The following ULBP3 variants were observed in gnomAD, a reference collection of about 807,000 sequenced individuals.
The protein encoded by ULBP3 is UL16 binding protein 3.
In ULBP3, 25 loss-of-function variants were observed where a neutral mutation model predicts 24.9. The ratio of observed to expected loss-of-function variants is 1.00; its 90% CI spans 0.73 to 1.40. The LOEUF (loss-of-function observed/expected upper bound fraction) is 1.40, where lower values mean the gene tolerates loss of function less well. ULBP3 is among the 40% of genes most tolerant of loss of function. The pLI, the probability that ULBP3 is intolerant of heterozygous loss-of-function variation, is 0.00. For missense variants in ULBP3, 306 were observed against 307.5 expected (o/e 1.00, Z 0.04); for synonymous variants, 114 against 114.7 (o/e 0.99, Z 0.04).
At position 150,064,577 on chromosome 6, in the gene ULBP3, C is replaced by T. The variant is rs750684616; in HGVS notation, c.*22+8G>A. The T allele has an allele frequency of 2.5e-6, 4 of 1,611,962 alleles. No individual in the cohort carries two copies. In the South Asian group the frequency reaches 4.4e-5, roughly 18 times the overall value. On this transcript the variant is annotated splice_region_variant and intron_variant, in intron 4 of 4. Coordinates refer to ENST00000367339, the MANE Select transcript of ULBP3 (RefSeq NM_024518.3). ...CTCTCGTTCCCCTCACAGTTTTGCC[C>T]ACAGTACCTGTCACTCTAAATGACT...
intron 1 of ULBP3, among the ~76,000 whole-genome samples, chr6:150,067,664 A>G (rs908711708): frequency 6.6e-6 from 1 of 152,042 alleles, no homozygotes; most frequent in African/African-American, 2.4e-5. Flanking sequence ...TCACTACTCA[A>G]CTCTGCTCTT....
In ULBP3 at chr6:150,066,075, T is replaced by C. The variant is rs199897950; in HGVS notation, c.176A>G (p.Gln59Arg). 2 of 1,614,128 alleles carry C rather than the reference T, an allele frequency of 1.2e-6. No individual in the cohort carries two copies. Among genetic ancestry groups the C allele is most frequent in the Non-Finnish European group, 1.7e-6 (2 of 1,180,058 alleles). ...QWCEVQSQVD[Q>R]KNFLSYDCGS... ...ACAGTCATAGGAGAGAAAATTCTTC[T>C]GATCCACCTGGCTCTGGACCTCACA... Residue 59 changes from glutamine to arginine, a missense_variant, in exon 2 of 5, where the codon CAG becomes CGG. Transcript: ENST00000367339.
rs1194014263 is a variant in ULBP3, at chr6:150,063,120, AAAAC to A, written c.*250_*253del. ...CGAGACTCCGTCTCAAAAAAAAAAA[AAAAC>A]AAAAAAAAAAAAAGAAAAATGGCTG... On this transcript the variant is annotated 3_prime_UTR_variant, in exon 5 of 5. Coordinates refer to ENST00000367339, the MANE Select transcript of ULBP3 (RefSeq NM_024518.3). 399 of 105,506 alleles carry A rather than the reference AAAAC, an allele frequency of 3.8e-3. 32 individuals carry two copies. Among genetic ancestry groups the A allele is most frequent in the East Asian group, 0.012 (43 of 3,694 alleles). The allele number at this position is 105,506 out of a possible 1,614,324, so 6.5% of individuals were successfully genotyped here. A position where few individuals can be genotyped will look rare whatever the true frequency, so the allele number is the denominator to read the frequency against.
chr6:150,068,134 A>T (rs1582867180), intron 1 of ULBP3, among the ~76,000 whole-genome samples: 1 of 152,134 alleles, frequency 6.6e-6, no homozygotes, highest in Non-Finnish European at 1.5e-5. Context: ...AGGACACCAC[A>T]TGGCTACACC....
In ULBP3 at chr6:150,064,800, C is replaced by G; in HGVS notation, c.629-87G>C. On this transcript the variant is annotated intron_variant, in intron 3 of 4. Transcript: ENST00000367339. ...CTTAGCTCCTGCTACCCCAGGTCAT[C>G]CGGGAAGGCAGAGGATTTGTCTCCC... 7.1e-6 allele frequency: 10 copies of G among 1,411,350 alleles called. 1 individual carries two copies. The South Asian group carries it at 1.3e-4, about 18-fold the overall frequency. The allele number at this position is 1,411,350 out of a possible 1,614,324, so 87.4% of individuals were successfully genotyped here. A position where few individuals can be genotyped will look rare whatever the true frequency, so the allele number is the denominator to read the frequency against.
At chr6:150,066,672 G>A (rs567900588) in intron 1 of ULBP3, among the ~76,000 whole-genome samples, 26 of 152,300 alleles carry the variant, frequency 1.7e-4, no homozygotes, top group African/African-American at 5.1e-4. Flanking sequence ...CAGGTCTTAC[G>A]TGGCAGGTTG....
chr6:150,064,799 T>C, intron 3 of ULBP3, 86 bp from the exon 4 acceptor site: 3 of 1,415,768 alleles, frequency 2.1e-6, no homozygotes, highest in Non-Finnish European at 2.9e-6. Flanking sequence ...CCCCAGGTCA[T>C]CCGGGAAGGC....
chr6:150,066,714 C>A (rs1306831296), intron 1 of ULBP3, among the ~76,000 whole-genome samples: 1 of 152,096 alleles, frequency 6.6e-6, no homozygotes, highest in Non-Finnish European at 1.5e-5. Context: ...AAGAGAAGTG[C>A]CCATGCCAGA....
Position 150,066,080 on chromosome 6 carries a change from C to A in ULBP3, c.171G>T (p.Val57=), listed in dbSNP as rs1776342406. The change falls in exon 2 of 5, where the codon GTG becomes GTT. Residue 57 remains valine, a synonymous_variant. Coordinates refer to ENST00000367339, the MANE Select transcript of ULBP3 (RefSeq NM_024518.3). ...GQQWCEVQSQ[V]DQKNFLSYDC... ...CATAGGAGAGAAAATTCTTCTGATC[C>A]ACCTGGCTCTGGACCTCACACCACT... The A allele has an allele frequency of 6.2e-7, 1 of 1,614,088 alleles. No individual in the cohort carries two copies. Among genetic ancestry groups the A allele is most frequent in the Non-Finnish European group, 8.5e-7 (1 of 1,180,058 alleles).
rs150836130 is a variant in ULBP3 at position 150,066,866 on chromosome 6, G to A, written c.89-704C>T. Reference sequence around the variant, plus strand: ...AAGAAGCTCAGGGATGCCTGTTGCTGAAGCCCAGGGTCAGGGGTAGGAGAT... The same window carrying A: ...AAGAAGCTCAGGGATGCCTGTTGCTAAAGCCCAGGGTCAGGGGTAGGAGAT... On this transcript the variant is annotated intron_variant, in intron 1 of 4. Transcript: ENST00000367339. Among the ~76,000 whole-genome samples the A allele has an allele frequency of 5.3e-3, 809 of 152,292 alleles. 3 individuals are homozygous for A. Among genetic ancestry groups the A allele is most frequent in the Non-Finnish European group, 8.2e-3 (559 of 68,024 alleles).
intron 3 of ULBP3, among the ~76,000 whole-genome samples, chr6:150,064,955 C>T (rs1077426): frequency 0.038 from 5,789 of 151,530 alleles, 384 homozygotes; most frequent in African/African-American, 0.13. Flanking sequence ...CCTGCTGTGG[C>T]GGAAGAGGAG....
In ULBP3 at chr6:150,065,994, T is replaced by C; in HGVS notation, c.257A>G (p.Asp86Gly). ...CATTTCCAGTTGTTTTCCCCAGGCA[T>C]CTGTGGCATACAGCTGCTCTTCTAG... is the stretch of plus-strand genomic sequence containing the variant. ...GHLEEQLYAT[D>G]AWGKQLEMLR... The change falls in exon 2 of 5, where the codon GAT (aspartate) becomes GGT (glycine). Residue 86 changes from aspartate to glycine, a missense_variant. Physicochemically the swap from Asp to Gly is moderately conservative, Grantham distance 94. Coordinates refer to ENST00000367339, the MANE Select transcript of ULBP3 (RefSeq NM_024518.3). 1 of 1,614,218 alleles carries C rather than the reference T, an allele frequency of 6.2e-7. No individual in the cohort carries two copies.
intron 4 of ULBP3, among the ~76,000 whole-genome samples, chr6:150,063,668 C>T (rs1049183502): frequency 6.6e-6 from 1 of 152,206 alleles, no homozygotes; most frequent in African/African-American, 2.4e-5. Context: ...GGAGCCCTGT[C>T]CAAAGAGAGG....
At chr6:150,064,500 A>G (rs1283525493) in intron 4 of ULBP3, 85 bp downstream of exon 4, 10 of 1,222,472 alleles carry the variant, frequency 8.2e-6, no homozygotes, top group Non-Finnish European at 1.2e-5. Flanking sequence ...CCATGGGGAG[A>G]GGTGGGACTC....
Position 150,066,143 on chromosome 6 carries a change from A to G in ULBP3, c.108T>C (p.Tyr36=). Residue 36 remains tyrosine (Y), a synonymous_variant, in exon 2 of 5, where the codon TAT becomes TAC. Coordinates refer to ENST00000367339, the MANE Select transcript of ULBP3 (RefSeq NM_024518.3). The part of the protein sequence containing the change: ...TGRADAHSLW[Y]NFTIIHLPRH... Reference sequence around the variant, plus strand: ...TGGGCAAATGAATGATGGTGAAGTTATACCAGAGAGAGTGAGCGTCTAAGG... The same window carrying G: ...TGGGCAAATGAATGATGGTGAAGTTGTACCAGAGAGAGTGAGCGTCTAAGG... The G allele has an allele frequency of 6.2e-7, 1 of 1,614,048 alleles. No homozygotes were observed. The highest frequency in any genetic ancestry group is 1.7e-5 in the Admixed American group (1 of 60,012).
Position 150,065,450 on chromosome 6 carries a change from C to T in ULBP3, c.576G>A (p.Lys192=), listed in dbSNP as rs1776331226. ...GCATCAGGAAGTCCCTAAGCCAGCT[C>T]TTGCAGTCTCTCATTGAGACCATCT... is the stretch of plus-strand genomic sequence containing the variant. ...FFKMVSMRDC[K]SWLRDFLMHR... The change falls in exon 3 of 5, where the codon AAG becomes AAA. Residue 192 remains lysine (K), a synonymous_variant. Transcript: ENST00000367339. 6.2e-7 allele frequency: 1 copy of T among 1,614,228 alleles called. No individual in the cohort carries two copies. The highest frequency in any genetic ancestry group is 8.5e-7 in the Non-Finnish European group (1 of 1,180,026).
chr6:150,064,445 C>A, intron 4 of ULBP3, 140 bp downstream of exon 4: 1 of 742,478 alleles, frequency 1.3e-6, no homozygotes, highest in Non-Finnish European at 2.3e-6. Flanking sequence ...ACAGGCGACA[C>A]CAGGTCTCAT....
intron 1 of ULBP3, 135 bp downstream of exon 1, chr6:150,068,844 C>T (rs751224519): frequency 2.2e-6 from 2 of 913,722 alleles, no homozygotes; most frequent in Non-Finnish European, 3.1e-6. Context: ...AGCAGCGAAT[C>T]GGAACTGAGC....
At chr6:150,064,801 C>A (rs866883621) in intron 3 of ULBP3, 88 bp from the exon 4 acceptor site, 2 of 1,403,660 alleles carry the variant, frequency 1.4e-6, no homozygotes, top group Admixed American at 3.8e-5. Flanking sequence ...CCAGGTCATC[C>A]GGGAAGGCAG....
Sources: allele counts gnomAD v4.1 joint callset (sites outside exome capture counted in the v4.1 genomes callset), GRCh38; gene constraint gnomAD v4.1.1; transcripts MANE v1.5; gene names NCBI Gene and HGNC (gene_info 2026-07-23, HGNC 2026-07-21).